The following RAD18 variants were observed in gnomAD, a reference collection of about 807,000 sequenced individuals.
RAD18 encodes the protein E3 ubiquitin-protein ligase RAD18.
RAD18 carries 47 observed loss-of-function variants against 60.4 expected under a neutral mutation model. The ratio of observed to expected loss-of-function variants is 0.78; its 90% confidence interval spans 0.62 to 0.99. RAD18 has a LOEUF of 0.99. Among genes scored for constraint, RAD18 ranks in the 50% least tolerant of loss-of-function variants. RAD18 has a pLI of 0.00. For missense variants in RAD18, 640 were observed against 593.3 expected, an observed-to-expected ratio of 1.08 and a Z score of -0.82; for synonymous variants, 225 against 195.5, an observed-to-expected ratio of 1.15 and a Z score of -1.26.
chr3:8,881,571 C>A (rs182227199), intron 12 of RAD18, 112 bp from the exon 13 acceptor site: 2 of 787,488 alleles, frequency 2.5e-6, no homozygotes, highest in South Asian at 1.8e-5. Context: ...CGAAATAATC[C>A]TCTATTCTGT....
intron 7 of RAD18, among the ~76,000 whole-genome samples, chr3:8,928,178 C>A (rs922969487): frequency 1.3e-5 from 2 of 148,816 alleles, no homozygotes; most frequent in South Asian, 2.1e-4. Flanking sequence ...ATCACCCCTA[C>A]AAAAAAACAA....
chr3:8,945,468 CTTTTT>C (rs375744764), intron 4 of RAD18, among the ~76,000 whole-genome samples: 3 of 96,374 alleles, frequency 3.1e-5, no homozygotes, highest in Non-Finnish European at 5.9e-5. Context: ...TTTCCATCTT[CTTTTT>C]TTTTTTTTTT....
chr3:8,907,792 G>A (rs1326739103), intron 9 of RAD18, among the ~76,000 whole-genome samples: 3 of 148,008 alleles, frequency 2.0e-5, no homozygotes, highest in Non-Finnish European at 3.0e-5. Flanking sequence ...ACCCACTATC[G>A]GTTTGTGCAA....
chr3:8,886,969 T>C (rs1041288946), intron 12 of RAD18, among the ~76,000 whole-genome samples: 3 of 152,030 alleles, frequency 2.0e-5, no homozygotes, highest in African/African-American at 4.8e-5. Flanking sequence ...AGGGGGAAAA[T>C]ACCTGTATGT....
At chr3:8,915,014 T>TG (rs943830146) in intron 7 of RAD18, among the ~76,000 whole-genome samples, 26 of 151,430 alleles carry the variant, frequency 1.7e-4, no homozygotes, top group African/African-American at 6.3e-4. Flanking sequence ...CCGGGTGTGG[T>TG]GGGGGGCGCC....
At chr3:8,939,441 G>C in intron 6 of RAD18, 113 bp downstream of exon 6, 1 of 825,204 alleles carries the variant, frequency 1.2e-6, no homozygotes, top group South Asian at 2.0e-5. Flanking sequence ...AAGAAAGCAA[G>C]TAAGAGCAGG....
chr3:8,935,070 AG>A (rs1440155810), intron 7 of RAD18, among the ~76,000 whole-genome samples: 1 of 152,216 alleles, frequency 6.6e-6, no homozygotes, highest in Admixed American at 6.5e-5. Context: ...AGTGAATGGG[AG>A]GGGGCAGATA....
rs73126327 is a variant in RAD18 at position 8,886,941 on chromosome 3, G to C, written c.1385+3448C>G. ...AACACGAAAAGCCTTGGATGGTGGA[G>C]AGCTACTTTAAAGTCTAAGGGGGAA... On this transcript the variant is annotated intron_variant, in intron 12 of 12. Transcript: ENST00000264926. 3.4e-3 allele frequency among the ~76,000 whole-genome samples: 520 copies of C among 152,182 alleles called. 6 individuals are homozygous for C. The highest frequency in any genetic ancestry group is 0.012 in the African/African-American group (501 of 41,466).
At chr3:8,896,000 A>G (rs17049714) in intron 11 of RAD18, among the ~76,000 whole-genome samples, 18,177 of 152,156 alleles carry the variant, frequency 0.12, 1,227 homozygotes, top group East Asian at 0.24. Context: ...TGCTATAGCC[A>G]TATCTGTTCC....
chr3:8,895,030 C>A (rs1444398863), intron 11 of RAD18, among the ~76,000 whole-genome samples: 2 of 151,954 alleles, frequency 1.3e-5, no homozygotes, highest in Non-Finnish European at 2.9e-5. Flanking sequence ...GCTGGGATTA[C>A]AGGTGTGAGC....
chr3:8,944,690 G>A (rs1288206768), intron 4 of RAD18, among the ~76,000 whole-genome samples: 5 of 151,108 alleles, frequency 3.3e-5, no homozygotes. Flanking sequence ...AAGGAAGGAA[G>A]GAAAAGTCTT....
intron 9 of RAD18, 60 bp downstream of exon 9, chr3:8,912,248 ATTAC>A: frequency 8.1e-7 from 1 of 1,237,286 alleles, no homozygotes. Flanking sequence ...ATTCTGAAAA[ATTAC>A]TTAAGATGAA....
At position 8,904,096 on chromosome 3, in the gene RAD18, C is replaced by T. The variant is rs553581323; in HGVS notation, c.1028-1576G>A. On this transcript the variant is annotated intron_variant, in intron 9 of 12. Transcript: ENST00000264926. ...GTTGGGTGGAGGTTCAATTGACTTT[C>T]CTCCTCCAATGTGGAAGAAGCCAGT... Among the ~76,000 whole-genome samples the T allele has an allele frequency of 2.6e-5, 4 of 152,250 alleles. No homozygotes were observed. In the South Asian group the frequency reaches 8.3e-4, roughly 32 times the overall value.
At chr3:8,957,197 T>C (rs1371947679) in intron 2 of RAD18, among the ~76,000 whole-genome samples, 1 of 152,152 alleles carries the variant, frequency 6.6e-6, no homozygotes, top group African/African-American at 2.4e-5. Context: ...GATAGAGAAG[T>C]GTATCATATT....
intron 2 of RAD18, among the ~76,000 whole-genome samples, chr3:8,953,666 C>T (rs946741530): frequency 7.9e-5 from 12 of 152,106 alleles, no homozygotes; most frequent in Admixed American, 2.6e-4. Context: ...GAGGAAGGTA[C>T]AATAACAACA....
intron 12 of RAD18, among the ~76,000 whole-genome samples, chr3:8,883,750 C>T (rs1262430630): frequency 5.9e-5 from 9 of 152,188 alleles, no homozygotes; most frequent in Admixed American, 4.6e-4. Flanking sequence ...TATTTTATAG[C>T]TGTTCAAAAC....
intron 7 of RAD18, among the ~76,000 whole-genome samples, chr3:8,918,336 A>AAAAG (rs1462454845): frequency 3.3e-5 from 5 of 151,286 alleles, no homozygotes; most frequent in Non-Finnish European, 7.4e-5. Flanking sequence ...AAAAAAAAAA[A>AAAAG]AAAAGGGAAA....
At chr3:8,936,181 A>T (rs1940650268) in intron 6 of RAD18, 126 bp from the exon 7 acceptor site, 1 of 928,308 alleles carries the variant, frequency 1.1e-6, no homozygotes, top group East Asian at 2.9e-5. Flanking sequence ...TAGATTAAAA[A>T]GGGGAGAGAA....
intron 11 of RAD18, 150 bp downstream of exon 11, chr3:8,898,744 G>T: frequency 1.5e-6 from 1 of 664,542 alleles, no homozygotes; most frequent in Non-Finnish European, 2.3e-6. Flanking sequence ...TTATCACTGT[G>T]AAGAAGACCC....
Sources: gnomAD v4.1 joint callset for allele counts (sites outside exome capture counted in the v4.1 genomes callset) on GRCh38, gnomAD v4.1.1 for gene constraint, MANE v1.5 for transcripts, NCBI Gene and HGNC (gene_info 2026-07-23, HGNC 2026-07-21) for gene names.